Variants in BORCS7 observed in about 807,000 individuals in gnomAD.
BORCS7 encodes BLOC-1-related complex subunit 7.
BORCS7 carries 20 observed loss-of-function variants against 17.5 expected under a neutral mutation model. The observed-to-expected ratio is 1.14, with a 90% CI of 0.80 to 1.66. The LOEUF (loss-of-function observed/expected upper bound fraction) is 1.66. Ranked by LOEUF, BORCS7 falls within the 40% of genes most tolerant of loss-of-function variation. BORCS7 has a pLI of 0.00. For missense variants in BORCS7, 122 were observed against 129.7 expected (o/e 0.94, Z 0.29); for synonymous variants, 57 against 49.8 (o/e 1.14, Z -0.61).
chr10:102,861,648 C>T (rs1432720571), intron 3 of BORCS7, among the ~76,000 whole-genome samples: 3 of 151,598 alleles, frequency 2.0e-5, no homozygotes, highest in African/African-American at 7.3e-5. Flanking sequence ...GCCCGGGAGA[C>T]GGAAATGGCA....
At chr10:102,860,779 C>G (rs113893609) in intron 3 of BORCS7, 3 of 599,094 alleles carry the variant, frequency 5.0e-6, no homozygotes, top group African/African-American at 3.7e-5. Flanking sequence ...AAATTGAGGG[C>G]TCCTCAGAGA....
Position 102,863,012 on chromosome 10 carries a change from ATTTTC to A in BORCS7, c.*91_*95del. 1 of 1,246,314 alleles carries A rather than the reference ATTTTC, an allele frequency of 8.0e-7. No individual in the cohort carries two copies. The highest frequency in any genetic ancestry group is 1.2e-6 in the Non-Finnish European group (1 of 852,084). 77.2% of individuals were successfully genotyped at this position (1,246,314 alleles called of 1,614,324 possible). On this transcript the variant is annotated 3_prime_UTR_variant, in exon 5 of 5. Coordinates refer to ENST00000339834, the MANE Select transcript of BORCS7 (RefSeq NM_001136200.2). ...AGCTGTCCTCTGGGTTTGGTTTTCTATTTTCTTCTCCAAAAGTTAAGTTAGAAAAG... is the reference window on the plus strand; with the variant it reads ...AGCTGTCCTCTGGGTTTGGTTTTCTATTCTCCAAAAGTTAAGTTAGAAAAG...
chr10:102,855,890 T>C (rs141778169), intron 1 of BORCS7, among the ~76,000 whole-genome samples: 5,776 of 152,186 alleles, frequency 0.038, 147 homozygotes, highest in Non-Finnish European at 0.058. Context: ...GCCTCCTGAG[T>C]AGCTGGGATT....
chr10:102,861,260 CA>C (rs1844515994), intron 3 of BORCS7, among the ~76,000 whole-genome samples: 1 of 151,582 alleles, frequency 6.6e-6, no homozygotes. Flanking sequence ...ACTAAAGATA[CA>C]AAAAAGTAGC....
chr10:102,861,649 G>A (rs1337719097), intron 3 of BORCS7, among the ~76,000 whole-genome samples: 2 of 152,008 alleles, frequency 1.3e-5, no homozygotes, highest in Non-Finnish European at 2.9e-5. Flanking sequence ...CCCGGGAGAC[G>A]GAAATGGCAG....
rs1030274497 is a variant in BORCS7, at chr10:102,864,797, G to C, written c.*1873G>C. The C allele has an allele frequency of 1.3e-5, 2 of 152,042 alleles. No individual in the cohort carries two copies. Among genetic ancestry groups the C allele is most frequent in the African/African-American group, 4.8e-5 (2 of 41,412 alleles). 9.4% of individuals were successfully genotyped at this position (152,042 alleles called of 1,614,324 possible). On this transcript the variant is annotated 3_prime_UTR_variant, in exon 5 of 5. Transcript: ENST00000339834. The stretch of plus-strand genomic sequence containing the variant: ...AACAACATACATAGAATTAAATGGT[G>C]ATCAAAAACATGGAAAAAATACTTC...
At chr10:102,854,786 G>A (rs1216637218) in intron 1 of BORCS7, among the ~76,000 whole-genome samples, 1 of 151,252 alleles carries the variant, frequency 6.6e-6, no homozygotes, top group African/African-American at 2.4e-5. Context: ...ATAGCCGAGC[G>A]TGGTGGCACA....
chr10:102,862,739 A>G, intron 4 of BORCS7, 134 bp from the exon 5 acceptor site: 1 of 716,500 alleles, frequency 1.4e-6, no homozygotes. Context: ...GCTTGAGCCC[A>G]GAGTTTGAGA....
intron 3 of BORCS7, chr10:102,860,788 G>A: frequency 1.7e-6 from 1 of 595,094 alleles, no homozygotes; most frequent in South Asian, 2.0e-5. Flanking sequence ...GCTCCTCAGA[G>A]AGAGACTATA....
chr10:102,862,157 T>G lies in BORCS7; in HGVS notation c.249-3T>G. 1 of 1,607,752 alleles carries G rather than the reference T, an allele frequency of 6.2e-7. No homozygotes were observed. On this transcript the variant is annotated splice_polypyrimidine_tract_variant and splice_region_variant and intron_variant, in intron 3 of 4. Coordinates refer to ENST00000339834, the MANE Select transcript of BORCS7 (RefSeq NM_001136200.2). ...TATTTTCCTCTTTCCTTTTCTGATT[T>G]AGGCAAGAAGCTATTCAGAAGAAGT... is the stretch of plus-strand genomic sequence containing the variant.
At chr10:102,859,391 G>A (rs563735769) in intron 1 of BORCS7, among the ~76,000 whole-genome samples, 136 of 150,902 alleles carry the variant, frequency 9.0e-4, no homozygotes, top group Middle Eastern at 3.5e-3. Context: ...TGCCTGCCTC[G>A]GCCTCCGAAA....
rs1215818434 is a variant in BORCS7 at position 102,860,351 on chromosome 10, G to A, written c.161G>A (p.Arg54Gln). The change falls in exon 2 of 5, where the codon CGA (arginine) becomes CAA (glutamine). Residue 54 changes from arginine to glutamine, a missense_variant. Transcript: ENST00000339834. ...TTCCAGCTGCTAGGTCAGGCAGCTC[G>A]AAACATGGTACTCCAGGAAGATGCC... ...RSSELLGQAA[R>Q]NMVLQEDAIL... 7 of 1,614,022 alleles carry A rather than the reference G, an allele frequency of 4.3e-6. No homozygotes were observed. The highest frequency in any genetic ancestry group is 5.9e-6 in the Non-Finnish European group (7 of 1,180,004).
At chr10:102,862,053 G>C (rs1844529725) in intron 3 of BORCS7, 107 bp from the exon 4 acceptor site, 2 of 1,042,160 alleles carry the variant, frequency 1.9e-6, no homozygotes, top group African/African-American at 1.6e-5. Context: ...CAGAAATACA[G>C]GATGTGACAT....
In BORCS7 at chr10:102,860,627, T is replaced by C. The variant is rs1844502326; in HGVS notation, c.248+86T>C. Reference sequence around the variant, plus strand: ...TGGACTTTGTGCTTCAGCACTTTCCTGTGGAGGCCAGAGTGGGAGTAAAGG... The same window carrying C: ...TGGACTTTGTGCTTCAGCACTTTCCCGTGGAGGCCAGAGTGGGAGTAAAGG... On this transcript the variant is annotated intron_variant, in intron 3 of 4. Transcript: ENST00000339834. 2.8e-6 allele frequency: 4 copies of C among 1,449,304 alleles called. No homozygotes were observed. In the Admixed American group the frequency reaches 6.8e-5, roughly 25 times the overall value. 89.8% of individuals were successfully genotyped at this position (1,449,304 alleles called of 1,614,324 possible).
intron 1 of BORCS7, among the ~76,000 whole-genome samples, chr10:102,855,909 C>T (rs1302383480): frequency 2.0e-5 from 3 of 152,098 alleles, no homozygotes; most frequent in Admixed American, 6.5e-5. Flanking sequence ...TTATAGGCGC[C>T]TGCCACCACA....
chr10:102,860,263 C>T (rs1028095203), intron 1 of BORCS7, 69 bp from the exon 2 acceptor site: 11 of 1,369,920 alleles, frequency 8.0e-6, no homozygotes, highest in Non-Finnish European at 1.0e-5. Context: ...AGTAGTGTAA[C>T]AGCTGCAGAG....
chr10:102,861,543 C>G (rs1390857875), intron 3 of BORCS7, among the ~76,000 whole-genome samples: 2 of 151,800 alleles, frequency 1.3e-5, no homozygotes, highest in Non-Finnish European at 2.9e-5. Flanking sequence ...ACGGCAAAAC[C>G]CCGTCTCTAC....
chr10:102,859,414 C>T (rs944844409), intron 1 of BORCS7, among the ~76,000 whole-genome samples: 1 of 151,810 alleles, frequency 6.6e-6, no homozygotes, highest in Non-Finnish European at 1.5e-5. Context: ...GCTGGGATTA[C>T]AGGTGTGAGC....
intron 1 of BORCS7, among the ~76,000 whole-genome samples, chr10:102,858,589 G>T (rs183895484): frequency 1.9e-4 from 29 of 151,782 alleles, no homozygotes; most frequent in Admixed American, 1.4e-3. Flanking sequence ...TGCGGAGGTT[G>T]CAGTGAGCCA....
Sources: allele counts gnomAD v4.1 joint callset (sites outside exome capture counted in the v4.1 genomes callset), GRCh38; gene constraint gnomAD v4.1.1; transcripts MANE v1.5; gene names NCBI Gene and HGNC (gene_info 2026-07-23, HGNC 2026-07-21).